Variants in DHX29 observed in about 807,000 individuals in gnomAD.
DHX29 encodes the protein ATP-dependent RNA helicase DHX29.
A neutral mutation model predicts 167.9 loss-of-function variants in DHX29; 79 were observed. The ratio of observed to expected loss-of-function variants is 0.47; its 90% CI spans 0.39 to 0.57. The LOEUF is 0.57. Among genes scored for constraint, DHX29 ranks in the 20% least tolerant of loss-of-function variants. DHX29 has a pLI of 0.00. For synonymous variants in DHX29, 530 were observed against 546.0 expected (o/e 0.97, Z 0.41); for missense variants, 1,347 against 1,593.4 (o/e 0.85, Z 2.63).
intron 22 of DHX29, 34 bp downstream of exon 22, chr5:55,267,652 T>C (rs17647768): frequency 0.1 from 159,870 of 1,561,854 alleles, 9,035 homozygotes; most frequent in Non-Finnish European, 0.12. Flanking sequence ...CTCAGGTAAT[T>C]GGCTTACTGA....
intron 6 of DHX29, among the ~76,000 whole-genome samples, chr5:55,292,108 C>T (rs1431620462): frequency 1.3e-5 from 2 of 152,130 alleles, no homozygotes; most frequent in Non-Finnish European, 2.9e-5. Flanking sequence ...AACTGTTTTC[C>T]ACAGTGGCTG....
chr5:55,307,683 T>C lies in DHX29; in HGVS notation c.-110A>G. On this transcript the variant is annotated 5_prime_UTR_variant, in exon 1 of 27. Coordinates refer to ENST00000251636, the MANE Select transcript of DHX29 (RefSeq NM_019030.4). ...CCGGGGCTGCCACCCTGCGCTTCGA[T>C]CCGGGCTTCTCGGGCCGGGGCGACC... 7.1e-7 allele frequency: 1 copy of C among 1,412,082 alleles called. No homozygotes were observed. The highest frequency in any genetic ancestry group is 9.6e-7 in the Non-Finnish European group (1 of 1,038,238). 87.5% of individuals were successfully genotyped at this position (1,412,082 alleles called of 1,614,324 possible).
chr5:55,290,968 T>C (rs1332463480), intron 6 of DHX29, among the ~76,000 whole-genome samples: 7 of 152,210 alleles, frequency 4.6e-5, no homozygotes, highest in Non-Finnish European at 8.8e-5. Context: ...TGAGCTGAGA[T>C]CGTACCACTG....
intron 22 of DHX29, 122 bp downstream of exon 22, chr5:55,267,564 G>A: frequency 1.2e-6 from 1 of 856,092 alleles, no homozygotes; most frequent in Admixed American, 3.4e-5. Flanking sequence ...CTTGACAGAT[G>A]AAATAACTAA....
At chr5:55,272,823 A>G (rs1003782426) in intron 17 of DHX29, among the ~76,000 whole-genome samples, 1 of 152,158 alleles carries the variant, frequency 6.6e-6, no homozygotes, top group African/African-American at 2.4e-5. Flanking sequence ...CACTATTATT[A>G]GGAAAAAAAA....
chr5:55,260,501 G>T (rs1478647740), intron 25 of DHX29, among the ~76,000 whole-genome samples: 2 of 152,226 alleles, frequency 1.3e-5, no homozygotes, highest in African/African-American at 4.8e-5. Context: ...AAAGTGCTGG[G>T]ATTACAGGCA....
At chr5:55,278,027 T>C (rs1747211823) in intron 12 of DHX29, among the ~76,000 whole-genome samples, 1 of 152,040 alleles carries the variant, frequency 6.6e-6, no homozygotes, top group South Asian at 2.1e-4. Flanking sequence ...AGACAGATGG[T>C]TTATCTACTA....
chr5:55,264,283 C>T (rs1168712577), intron 23 of DHX29, among the ~76,000 whole-genome samples: 4 of 152,166 alleles, frequency 2.6e-5, no homozygotes, highest in African/African-American at 9.7e-5. Flanking sequence ...TCTCTCTCTT[C>T]CCAGAAATAA....
At chr5:55,297,861 A>C (rs1748400788) in intron 2 of DHX29, among the ~76,000 whole-genome samples, 1 of 152,244 alleles carries the variant, frequency 6.6e-6, no homozygotes, top group Admixed American at 6.5e-5. Flanking sequence ...TTTGGCTTCT[A>C]GACTTTGATT....
intron 23 of DHX29, 35 bp downstream of exon 23, chr5:55,267,103 A>T (rs1240722574): frequency 1.4e-6 from 2 of 1,394,192 alleles, no homozygotes; most frequent in East Asian, 2.3e-5. Flanking sequence ...ATAGTTACCC[A>T]TGACTCTGAG....
chr5:55,283,101 G>T, intron 11 of DHX29, 102 bp downstream of exon 11: 1 of 1,294,392 alleles, frequency 7.7e-7, no homozygotes, highest in Non-Finnish European at 1.0e-6. Flanking sequence ...TCAACCAATA[G>T]CAGTGAAAAC....
chr5:55,305,783 T>C (rs1327577738), intron 1 of DHX29, among the ~76,000 whole-genome samples: 1 of 152,192 alleles, frequency 6.6e-6, no homozygotes, highest in Non-Finnish European at 1.5e-5. Flanking sequence ...CTGTTAAATT[T>C]GAGATGCTTG....
At chr5:55,277,012 G>T in intron 13 of DHX29, 94 bp downstream of exon 13, 3 of 854,110 alleles carry the variant, frequency 3.5e-6, no homozygotes, top group Non-Finnish European at 5.6e-6. Flanking sequence ...CCTAGGAATA[G>T]TTCTGGCCTC....
At chr5:55,304,309 CTTTTTTTT>C (rs397882409) in intron 1 of DHX29, among the ~76,000 whole-genome samples, 2 of 112,666 alleles carry the variant, frequency 1.8e-5, no homozygotes, top group East Asian at 5.5e-4. Context: ...TCAAATGTCA[CTTTTTTTT>C]TTTTTTTTTT....
rs1421197245 is a variant in DHX29, at chr5:55,307,538, C to T, written c.36G>A (p.Ala12=). The change falls in exon 1 of 27, where the codon GCG becomes GCA. Residue 12 remains alanine, a synonymous_variant. Coordinates refer to ENST00000251636, the MANE Select transcript of DHX29 (RefSeq NM_019030.4). Reference sequence around the variant, plus strand: ...ACACGGCGGCCCGGACCACCGCGGCCGCTGGAGCCTTGTGTTTCTTGTTCT... The same window carrying T: ...ACACGGCGGCCCGGACCACCGCGGCTGCTGGAGCCTTGTGTTTCTTGTTCT... The part of the protein sequence containing the change: ...GGKNKKHKAP[A]AAVVRAAVSA... 12 of 1,613,578 alleles carry T rather than the reference C, an allele frequency of 7.4e-6. No individual in the cohort carries two copies. Among genetic ancestry groups the T allele is most frequent in the Admixed American group, 1.7e-5 (1 of 60,028 alleles).
intron 6 of DHX29, among the ~76,000 whole-genome samples, chr5:55,291,278 A>C (rs1475131663): frequency 6.6e-6 from 1 of 152,200 alleles, no homozygotes; most frequent in Non-Finnish European, 1.5e-5. Flanking sequence ...GCATAAAACT[A>C]TGGACTGCAG....
chr5:55,297,222 C>T (rs1748369844), intron 3 of DHX29, 63 bp downstream of exon 3: 1 of 744,308 alleles, frequency 1.3e-6, no homozygotes, highest in African/African-American at 1.7e-5. Context: ...TTTTATCTCA[C>T]ATGAGGAGCT....
At chr5:55,258,470 T>C (rs955472107) in intron 26 of DHX29, among the ~76,000 whole-genome samples, 1 of 152,174 alleles carries the variant, frequency 6.6e-6, no homozygotes, top group Non-Finnish European at 1.5e-5. Context: ...GCCTCTCCCA[T>C]AGAGATCAGT....
chr5:55,281,105 A>AAT (rs960868770), intron 12 of DHX29, among the ~76,000 whole-genome samples: 6 of 149,730 alleles, frequency 4.0e-5, no homozygotes, highest in African/African-American at 1.5e-4. Flanking sequence ...TTTGAATAGC[A>AAT]ATATATATAT....
Sources: gnomAD v4.1 joint callset for allele counts (sites outside exome capture counted in the v4.1 genomes callset) on GRCh38, gnomAD v4.1.1 for gene constraint, MANE v1.5 for transcripts, NCBI Gene and HGNC (gene_info 2026-07-23, HGNC 2026-07-21) for gene names.